Variants in COPS4 observed in about 807,000 individuals in gnomAD.
The protein encoded by COPS4 is COP9 signalosome subunit 4.
Under a neutral mutation model 55.1 loss-of-function variants are expected in COPS4, and 8 were observed. The ratio of observed to expected loss-of-function variants is 0.15; its 90% CI spans 0.09 to 0.26. COPS4 has a LOEUF of 0.26. Among genes scored for constraint, COPS4 ranks in the 10% least tolerant of loss-of-function variants. The probability of loss-of-function intolerance (pLI) is 1.00; values close to 1 mark genes in which losing one functional copy is unlikely to be tolerated. For missense variants in COPS4, 248 were observed against 484.0 expected, an observed-to-expected ratio of 0.51 and a Z score of 4.58; for synonymous variants, 185 against 165.7, an observed-to-expected ratio of 1.12 and a Z score of -0.90.
chr4:83,063,643 G>A lies in COPS4; in HGVS notation c.886+397G>A, dbSNP rs193206573. On this transcript the variant is annotated intron_variant, in intron 7 of 9. Transcript: ENST00000264389. ...AGGATGGTTTCGATCTCCTGACCTC[G>A]TGATCCGCCTGCCTCGGCCTCCCAA... Among the ~76,000 whole-genome samples the A allele has an allele frequency of 2.8e-3, 426 of 151,126 alleles. 13 individuals are homozygous for A. Among genetic ancestry groups the A allele is most frequent in the African/African-American group, 1.0e-2 (408 of 40,848 alleles).
intron 9 of COPS4, among the ~76,000 whole-genome samples, chr4:83,070,272 T>TC (rs1304356329): frequency 1.1e-4 from 16 of 152,182 alleles, no homozygotes; most frequent in African/African-American, 3.6e-4. Flanking sequence ...CCATGGGTAA[T>TC]CTCATCTATT....
At chr4:83,058,021 C>A (rs1578714426) in intron 6 of COPS4, among the ~76,000 whole-genome samples, 1 of 144,972 alleles carries the variant, frequency 6.9e-6, no homozygotes, top group African/African-American at 2.5e-5. Flanking sequence ...CAGAGTGAAA[C>A]AAAAATTAAA....
intron 9 of COPS4, among the ~76,000 whole-genome samples, chr4:83,072,279 T>C (rs1210843503): frequency 6.6e-6 from 1 of 151,870 alleles, no homozygotes; most frequent in East Asian, 1.9e-4. Context: ...TTTGTATTTT[T>C]AGTAGAGACA....
At position 83,075,367 on chromosome 4, in the gene COPS4, G is replaced by C; in HGVS notation, c.1158G>C (p.Glu386Asp). Residue 386 changes from glutamate (E) to aspartate (D), a missense_variant, in exon 10 of 10, where the codon GAG becomes GAC. Glu to Asp is a conservative substitution (Grantham distance 45, BLOSUM62 2). Transcript: ENST00000264389. The part of the protein sequence containing the change: ...SLCFQVNNLL[E>D]KISQTAPEWT... Reference sequence around the variant, plus strand: ...GTTTCCAAGTGAATAACCTTTTGGAGAAAATTAGTCAAACAGCACCAGAAT... The same window carrying C: ...GTTTCCAAGTGAATAACCTTTTGGACAAAATTAGTCAAACAGCACCAGAAT... The C allele has an allele frequency of 6.2e-7, 1 of 1,614,154 alleles. No homozygotes were observed. The highest frequency in any genetic ancestry group is 8.5e-7 in the Non-Finnish European group (1 of 1,180,018).
At chr4:83,063,943 G>A (rs184647834) in intron 7 of COPS4, among the ~76,000 whole-genome samples, 152 of 152,134 alleles carry the variant, frequency 1.0e-3, no homozygotes, top group African/African-American at 3.4e-3. Context: ...CAGGTGATTC[G>A]CCCCCCTCAG....
chr4:83,073,451 G>C (rs1578724924), intron 9 of COPS4: 13 of 404,956 alleles, frequency 3.2e-5, no homozygotes, highest in Middle Eastern at 6.3e-4. Flanking sequence ...AATTATCTTG[G>C]CCATTCTCAA....
intron 4 of COPS4, among the ~76,000 whole-genome samples, chr4:83,052,416 C>G (rs1053688218): frequency 6.6e-6 from 1 of 152,100 alleles, no homozygotes; most frequent in Admixed American, 6.6e-5. Flanking sequence ...CTGGCGTTTT[C>G]GGCTAGATAC....
intron 7 of COPS4, among the ~76,000 whole-genome samples, chr4:83,064,500 A>G (rs948432078): frequency 8.5e-5 from 13 of 152,194 alleles, no homozygotes; most frequent in African/African-American, 3.1e-4. Flanking sequence ...CTATTAAACA[A>G]TAACTCCTTA....
chr4:83,048,412 G>A (rs1253393542), intron 2 of COPS4, among the ~76,000 whole-genome samples: 1 of 152,052 alleles, frequency 6.6e-6, no homozygotes, highest in Admixed American at 6.5e-5. Flanking sequence ...TGTACTGGCA[G>A]CACTTGCTTT....
At chr4:83,060,030 G>A (rs934630356) in intron 6 of COPS4, among the ~76,000 whole-genome samples, 3 of 151,900 alleles carry the variant, frequency 2.0e-5, no homozygotes, top group African/African-American at 7.3e-5. Flanking sequence ...AGGTACTTCC[G>A]CATTCCCTCC....
intron 1 of COPS4, among the ~76,000 whole-genome samples, chr4:83,036,647 T>G (rs1287367391): frequency 6.6e-6 from 1 of 152,234 alleles, no homozygotes; most frequent in Non-Finnish European, 1.5e-5. Flanking sequence ...ACCTGACATA[T>G]AGAAAGTGCG....
chr4:83,074,781 C>T (rs1731529630), intron 9 of COPS4, among the ~76,000 whole-genome samples: 1 of 151,790 alleles, frequency 6.6e-6, no homozygotes, highest in African/African-American at 2.4e-5. Flanking sequence ...GCTGGGGTTA[C>T]AGGCGTGAGC....
At chr4:83,043,533 A>AAC (rs1730620990) in intron 1 of COPS4, among the ~76,000 whole-genome samples, 4 of 150,060 alleles carry the variant, frequency 2.7e-5, no homozygotes, top group South Asian at 4.2e-4. Flanking sequence ...AAAAAAAAAA[A>AAC]AAAAAAAAAA....
Position 83,049,330 on chromosome 4 carries a change from A to C in COPS4, c.306+13A>C. On this transcript the variant is annotated intron_variant, in intron 3 of 9. Coordinates refer to ENST00000264389, the MANE Select transcript of COPS4 (RefSeq NM_016129.3). ...ATTTGAGGAGCAGGTAAAAATCTAG[A>C]GAAGTGGTTTTTTAACTTGAGATAG... The C allele has an allele frequency of 6.4e-7, 1 of 1,563,256 alleles. No homozygotes were observed. The highest frequency in any genetic ancestry group is 1.4e-5 in the African/African-American group (1 of 71,810).
chr4:83,043,041 C>T (rs904271564), intron 1 of COPS4, among the ~76,000 whole-genome samples: 22 of 151,986 alleles, frequency 1.4e-4, no homozygotes, highest in Middle Eastern at 3.4e-3. Flanking sequence ...TGAGCCACTG[C>T]GACTGGCCCT....
intron 9 of COPS4, 122 bp downstream of exon 9, chr4:83,068,644 C>G: frequency 1.6e-6 from 1 of 631,296 alleles, no homozygotes; most frequent in East Asian, 3.0e-5. Flanking sequence ...GCTTATTTCC[C>G]AAAGAAATAA....
In COPS4 at chr4:83,049,281, A is replaced by G; in HGVS notation, c.270A>G (p.Glu90=). Residue 90 remains glutamate (E), a synonymous_variant, in exon 3 of 10, where the codon GAA becomes GAG. Transcript: ENST00000264389. The part of the protein sequence containing the change: ...TAKEIYHFTL[E]KIQPRVISFE... Reference sequence around the variant, plus strand: ...AAGAAATCTATCACTTCACCTTGGAAAAGATCCAGCCTAGAGTCATTTCAT... The same window carrying G: ...AAGAAATCTATCACTTCACCTTGGAGAAGATCCAGCCTAGAGTCATTTCAT... 1 of 1,610,484 alleles carries G rather than the reference A, an allele frequency of 6.2e-7. No homozygotes were observed. The highest frequency in any genetic ancestry group is 2.2e-5 in the East Asian group (1 of 44,780).
rs1000296982 is a variant in COPS4, at chr4:83,067,526, T to C, written c.1003-912T>C. ...AGTGTGAGTCACCACGCCCAGCCCT[T>C]TTTTTTTTTTTTTTTTTTAAAGAAA... On this transcript the variant is annotated intron_variant, in intron 8 of 9. Coordinates refer to ENST00000264389, the MANE Select transcript of COPS4 (RefSeq NM_016129.3). Among the ~76,000 whole-genome samples, 25 of 34,532 alleles carry C rather than the reference T, an allele frequency of 7.2e-4. No individual in the cohort carries two copies. The African/African-American group carries it at 0.014, about 19-fold the overall frequency. 22.7% of individuals were successfully genotyped at this position (34,532 alleles called of 152,430 possible).
chr4:83,045,774 T>C, intron 2 of COPS4, 69 bp downstream of exon 2: 1 of 932,488 alleles, frequency 1.1e-6, no homozygotes, highest in South Asian at 1.6e-5. Context: ...CTCTCAAGCC[T>C]TGTTTTGTAT....
Sources: gnomAD v4.1 joint callset for allele counts (sites outside exome capture counted in the v4.1 genomes callset) on GRCh38, gnomAD v4.1.1 for gene constraint, MANE v1.5 for transcripts, NCBI Gene and HGNC (gene_info 2026-07-23, HGNC 2026-07-21) for gene names.